The following NRF1 variants were observed in gnomAD, a reference collection of about 807,000 sequenced individuals.
NRF1 encodes the protein alpha palindromic-binding protein.
Under a neutral mutation model 58.5 loss-of-function variants are expected in NRF1, and 5 were observed. The observed-to-expected ratio is 0.09, with a 90% CI of 0.04 to 0.18. The LOEUF is 0.18. Among genes scored for constraint, NRF1 ranks in the 10% least tolerant of loss-of-function variants. The pLI, the probability that NRF1 is intolerant of heterozygous loss-of-function variation, is 1.00. For synonymous variants in NRF1, 224 were observed against 246.7 expected, an observed-to-expected ratio of 0.91 and a Z score of 0.86; for missense variants, 288 against 657.7, an observed-to-expected ratio of 0.44 and a Z score of 6.15.
At chr7:129,711,903 A>G (rs1803082398) in intron 8 of NRF1, among the ~76,000 whole-genome samples, 1 of 151,404 alleles carries the variant, frequency 6.6e-6, no homozygotes, top group African/African-American at 2.4e-5. Flanking sequence ...GGTCTTTATG[A>G]AAAAAAAATG....
At chr7:129,641,076 T>G (rs950798256) in intron 1 of NRF1, among the ~76,000 whole-genome samples, 3 of 152,314 alleles carry the variant, frequency 2.0e-5, no homozygotes, top group Non-Finnish European at 4.4e-5. Context: ...CCAGTCCTAC[T>G]ATCCAGAGAC....
At chr7:129,751,176 G>T (rs1804107056) in intron 10 of NRF1, among the ~76,000 whole-genome samples, 1 of 152,222 alleles carries the variant, frequency 6.6e-6, no homozygotes, top group African/African-American at 2.4e-5. Context: ...GGAGGTGTGT[G>T]CTTGGAGAAC....
intron 1 of NRF1, among the ~76,000 whole-genome samples, chr7:129,634,617 T>G (rs1220970787): frequency 6.6e-6 from 1 of 152,254 alleles, no homozygotes; most frequent in Non-Finnish European, 1.5e-5. Context: ...GTGTTCAAGT[T>G]TTAGCAATTG....
At chr7:129,622,248 CAT>C in intron 1 of NRF1, among the ~76,000 whole-genome samples, 1 of 152,184 alleles carries the variant, frequency 6.6e-6, no homozygotes, top group East Asian at 1.9e-4. Flanking sequence ...AAAAAATAAA[CAT>C]AAATACAGAT....
chr7:129,728,048 G>T (rs904440069), intron 10 of NRF1, among the ~76,000 whole-genome samples: 2 of 152,186 alleles, frequency 1.3e-5, no homozygotes, highest in Non-Finnish European at 2.9e-5. Flanking sequence ...GTCCATGTTG[G>T]TAAGGAGTCA....
chr7:129,637,388 G>A (rs559038995), intron 1 of NRF1, among the ~76,000 whole-genome samples: 1 of 152,078 alleles, frequency 6.6e-6, no homozygotes, highest in Non-Finnish European at 1.5e-5. Flanking sequence ...GAGGCCTCTG[G>A]TATTTCATTT....
chr7:129,635,395 G>A (rs1001332235), intron 1 of NRF1, among the ~76,000 whole-genome samples: 6 of 152,068 alleles, frequency 3.9e-5, no homozygotes, highest in African/African-American at 9.7e-5. Context: ...TGTTTTTTAA[G>A]CACACCACCT....
chr7:129,686,310 G>T (rs1802443099), intron 4 of NRF1, among the ~76,000 whole-genome samples: 1 of 152,142 alleles, frequency 6.6e-6, no homozygotes, highest in Non-Finnish European at 1.5e-5. Context: ...TTATCTGGAG[G>T]CTCTGGCAAA....
At chr7:129,729,322 T>A (rs796719028) in intron 10 of NRF1, among the ~76,000 whole-genome samples, 1 of 152,234 alleles carries the variant, frequency 6.6e-6, no homozygotes, top group South Asian at 2.1e-4. Flanking sequence ...TATTGATTAC[T>A]GGAAGCTGCC....
At chr7:129,672,439 ATATTTT>A (rs1450445602) in intron 3 of NRF1, among the ~76,000 whole-genome samples, 5 of 152,040 alleles carry the variant, frequency 3.3e-5, no homozygotes, top group African/African-American at 1.2e-4. Flanking sequence ...CATCTGACTT[ATATTTT>A]TAAAGAATCA....
Position 129,677,483 on chromosome 7 carries a change from T to C in NRF1, c.339-149T>C, listed in dbSNP as rs947300150. The C allele has an allele frequency of 3.4e-5, 23 of 678,516 alleles. 1 individual carries two copies. In the Middle Eastern group the frequency reaches 1.2e-3, roughly 36 times the overall value. 42.0% of individuals were successfully genotyped at this position (678,516 alleles called of 1,614,324 possible). On this transcript the variant is annotated intron_variant, in intron 3 of 10. Coordinates refer to ENST00000393232, the MANE Select transcript of NRF1 (RefSeq NM_005011.5). Reference sequence around the variant, plus strand: ...AAGGTATGTACATATTTCTGCTGAATAGGATAGCAAACCTCACATTCCCCT... The same window carrying C: ...AAGGTATGTACATATTTCTGCTGAACAGGATAGCAAACCTCACATTCCCCT...
chr7:129,653,696 C>T (rs1288834404), intron 1 of NRF1, among the ~76,000 whole-genome samples: 1 of 152,166 alleles, frequency 6.6e-6, no homozygotes, highest in Non-Finnish European at 1.5e-5. Flanking sequence ...CATAGTTTTG[C>T]TTTTCCAGAA....
chr7:129,638,335 CTT>C (rs1801215495), intron 1 of NRF1, among the ~76,000 whole-genome samples: 1 of 152,130 alleles, frequency 6.6e-6, no homozygotes, highest in Non-Finnish European at 1.5e-5. Context: ...ATACTTGACA[CTT>C]TATTCCAGCA....
rs1190678459 is a variant in NRF1, at chr7:129,756,051, C to A, written c.*870C>A. 1 of 152,312 alleles carries A rather than the reference C, an allele frequency of 6.6e-6. No individual in the cohort carries two copies. Among genetic ancestry groups the A allele is most frequent in the East Asian group, 1.9e-4 (1 of 5,180 alleles). 9.4% of individuals were successfully genotyped at this position (152,312 alleles called of 1,614,324 possible). A position where few individuals can be genotyped will look rare whatever the true frequency, so the allele number is the denominator to read the frequency against. Reference sequence around the variant, plus strand: ...GCTCGTATATATGAACTGAAGGTAACCGAAGTATTAGGGGTTTGAGGAGTG... The same window carrying A: ...GCTCGTATATATGAACTGAAGGTAAACGAAGTATTAGGGGTTTGAGGAGTG... On this transcript the variant is annotated 3_prime_UTR_variant, in exon 11 of 11. Transcript: ENST00000393232.
In NRF1 at chr7:129,755,761, G is replaced by GC. The variant is rs962641329; in HGVS notation, c.*582dup. On this transcript the variant is annotated 3_prime_UTR_variant, in exon 11 of 11. Coordinates refer to ENST00000393232, the MANE Select transcript of NRF1 (RefSeq NM_005011.5). The surrounding 1 kb of genome is among the most constrained non-coding windows in gnomAD (Gnocchi z 5.8). ...CCTTCACCAAAGCTGCCTCCCAGTG[G>GC]CCACACAGAACTCTCCCTGCTGGAC... is the stretch of plus-strand genomic sequence containing the variant. 8 of 152,856 alleles carry GC rather than the reference G, an allele frequency of 5.2e-5. No individual in the cohort carries two copies. Among genetic ancestry groups the GC allele is most frequent in the Non-Finnish European group, 1.0e-4 (7 of 68,224 alleles). The allele number at this position is 152,856 out of a possible 1,614,324, so 9.5% of individuals were successfully genotyped here.
chr7:129,696,356 CCCCCT>C (rs2076860793), intron 5 of NRF1, among the ~76,000 whole-genome samples: 1 of 152,086 alleles, frequency 6.6e-6, no homozygotes, highest in Admixed American at 6.5e-5. Flanking sequence ...TCTCTTTTTC[CCCCCT>C]TATTTTCCTC....
chr7:129,631,082 A>G (rs1801037969), intron 1 of NRF1, among the ~76,000 whole-genome samples: 2 of 150,398 alleles, frequency 1.3e-5, no homozygotes, highest in Admixed American at 1.3e-4. Context: ...TACTTGAGCC[A>G]AAGTTTCTGC....
At chr7:129,625,647 T>C (rs1364198007) in intron 1 of NRF1, among the ~76,000 whole-genome samples, 1 of 150,864 alleles carries the variant, frequency 6.6e-6, no homozygotes, top group Non-Finnish European at 1.5e-5. Flanking sequence ...ACTGCAGGCA[T>C]GTGCCACCAT....
chr7:129,699,484 C>A (rs1188920197), intron 5 of NRF1, among the ~76,000 whole-genome samples: 1 of 152,080 alleles, frequency 6.6e-6, no homozygotes, highest in East Asian at 1.9e-4. Flanking sequence ...AAGGCCAAGG[C>A]AAGCGGATCA....
Sources: allele counts gnomAD v4.1 joint callset (sites outside exome capture counted in the v4.1 genomes callset), GRCh38; gene constraint gnomAD v4.1.1; non-coding constraint Gnocchi (gnomAD v3.1); transcripts MANE v1.5; gene names NCBI Gene and HGNC (gene_info 2026-07-23, HGNC 2026-07-21).